Variants in PRR5L observed in about 807,000 individuals in gnomAD.
The protein encoded by PRR5L is proline-rich protein 5-like.
Under a neutral mutation model 36.4 loss-of-function variants are expected in PRR5L, and 21 were observed. The ratio of observed to expected loss-of-function variants is 0.58; its 90% CI spans 0.41 to 0.83. PRR5L has a LOEUF of 0.83. Among genes scored for constraint, PRR5L ranks in the 40% least tolerant of loss-of-function variants. The pLI is 0.00. For synonymous variants in PRR5L, 188 were observed against 197.0 expected (o/e 0.95, Z 0.38); for missense variants, 381 against 473.3 (o/e 0.80, Z 1.81).
chr11:36,432,160 TTTG>T (rs1858511886), intron 5 of PRR5L, among the ~76,000 whole-genome samples: 11 of 27,108 alleles, frequency 4.1e-4, no homozygotes, highest in Admixed American at 8.9e-4. Flanking sequence ...AGGGTTTTTT[TTTG>T]TTTTGTTTTT....
At chr11:36,372,108 C>T (rs564081427) in intron 1 of PRR5L, among the ~76,000 whole-genome samples, 7 of 152,030 alleles carry the variant, frequency 4.6e-5, no homozygotes, top group African/African-American at 7.2e-5. Flanking sequence ...TGCGATAATG[C>T]GTAAATTGAG....
chr11:36,306,925 A>AC (rs1381378186), intron 1 of PRR5L, among the ~76,000 whole-genome samples: 6 of 151,722 alleles, frequency 4.0e-5, no homozygotes, highest in Non-Finnish European at 5.9e-5. Flanking sequence ...AAATAAAAGC[A>AC]CCCCCCACAT....
chr11:36,448,344 G>A (rs764063964), intron 7 of PRR5L, among the ~76,000 whole-genome samples: 1 of 152,066 alleles, frequency 6.6e-6, no homozygotes. Flanking sequence ...TAGAAAAACA[G>A]CCCAAGTCTG....
intron 1 of PRR5L, among the ~76,000 whole-genome samples, chr11:36,301,573 G>A (rs1856377319): frequency 6.6e-6 from 1 of 152,124 alleles, no homozygotes; most frequent in Admixed American, 6.5e-5. Flanking sequence ...GGGGGCCGAG[G>A]ACCCTTCCCA....
At chr11:36,408,864 G>C (rs1232337765) in intron 3 of PRR5L, among the ~76,000 whole-genome samples, 1 of 152,154 alleles carries the variant, frequency 6.6e-6, no homozygotes, top group Non-Finnish European at 1.5e-5. Flanking sequence ...GTTCTTATAA[G>C]TGCTTTCAGT....
intron 1 of PRR5L, among the ~76,000 whole-genome samples, chr11:36,393,073 G>T (rs1040565665): frequency 1.3e-5 from 2 of 152,106 alleles, no homozygotes; most frequent in African/African-American, 4.8e-5. Flanking sequence ...ATATGTTCTG[G>T]TTGTTAATCC....
chr11:36,425,679 C>T (rs1858366535), intron 4 of PRR5L: 1 of 152,226 alleles, frequency 6.6e-6, no homozygotes, highest in South Asian at 2.1e-4. Flanking sequence ...CACACACCAA[C>T]ATTGGCTTAT....
At chr11:36,397,763 T>C (rs955331377) in intron 1 of PRR5L, among the ~76,000 whole-genome samples, 1 of 151,442 alleles carries the variant, frequency 6.6e-6, no homozygotes, top group African/African-American at 2.4e-5. Flanking sequence ...GCCTTCTTAA[T>C]TCTTTTCCTT....
chr11:36,392,551 C>T (rs1362679348), intron 1 of PRR5L, among the ~76,000 whole-genome samples: 1 of 152,164 alleles, frequency 6.6e-6, no homozygotes, highest in Non-Finnish European at 1.5e-5. Context: ...TTTTGATTTG[C>T]ATTTCTCTGA....
intron 1 of PRR5L, among the ~76,000 whole-genome samples, chr11:36,372,130 A>G (rs1857204285): frequency 6.6e-6 from 1 of 152,208 alleles, no homozygotes; most frequent in Non-Finnish European, 1.5e-5. Flanking sequence ...AATTTTCATT[A>G]TTATTCAGAG....
rs116207929 is a variant in PRR5L, at chr11:36,423,036, C to T, written c.294+3733C>T. Among the ~76,000 whole-genome samples the T allele has an allele frequency of 3.6e-3, 548 of 152,210 alleles. 2 individuals carry two copies. The highest frequency in any genetic ancestry group is 0.013 in the African/African-American group (528 of 41,538). On this transcript the variant is annotated intron_variant, in intron 4 of 8. Coordinates refer to ENST00000530639, the MANE Select transcript of PRR5L (RefSeq NM_001160167.2). ...TGCACTTTCTGCTATTCTGTATCTA[C>T]TGGCTTTGTTTTGTGTGTTATAAGC... is the stretch of plus-strand genomic sequence containing the variant.
At chr11:36,451,645 A>C (rs1858947529) in intron 8 of PRR5L, among the ~76,000 whole-genome samples, 1 of 152,190 alleles carries the variant, frequency 6.6e-6, no homozygotes, top group African/African-American at 2.4e-5. Flanking sequence ...CTAGGACATT[A>C]ATCTTTCTGT....
intron 1 of PRR5L, among the ~76,000 whole-genome samples, chr11:36,316,962 T>C (rs979412663): frequency 2.0e-5 from 3 of 152,184 alleles, no homozygotes; most frequent in African/African-American, 7.2e-5. Flanking sequence ...AGGAGCAAGA[T>C]GGAGTCAATT....
intron 1 of PRR5L, among the ~76,000 whole-genome samples, chr11:36,311,813 T>C (rs1438619686): frequency 6.6e-6 from 1 of 152,194 alleles, no homozygotes; most frequent in East Asian, 1.9e-4. Flanking sequence ...TTGAGGTATA[T>C]ATTTAAGGAG....
At chr11:36,311,965 C>G (rs950739135) in intron 1 of PRR5L, among the ~76,000 whole-genome samples, 2 of 152,008 alleles carry the variant, frequency 1.3e-5, no homozygotes, top group African/African-American at 4.8e-5. Context: ...GAAGATGCCC[C>G]CCTGAATATT....
At chr11:36,435,527 G>A (rs985055022) in intron 5 of PRR5L, among the ~76,000 whole-genome samples, 1 of 152,172 alleles carries the variant, frequency 6.6e-6, no homozygotes, top group Non-Finnish European at 1.5e-5. Context: ...GGTAAAGAAG[G>A]GAGAGAAAGA....
chr11:36,353,473 T>C (rs551045504), intron 1 of PRR5L, among the ~76,000 whole-genome samples: 17 of 152,320 alleles, frequency 1.1e-4, no homozygotes, highest in African/African-American at 4.1e-4. Context: ...ATATATTGTG[T>C]ATGTACTATT....
chr11:36,314,923 A>T (rs1168032999), intron 1 of PRR5L, among the ~76,000 whole-genome samples: 1 of 152,212 alleles, frequency 6.6e-6, no homozygotes, highest in Non-Finnish European at 1.5e-5. Context: ...GGAGGTTGCT[A>T]GGAAGAAGTG....
At chr11:36,435,506 G>A (rs377102845) in intron 5 of PRR5L, among the ~76,000 whole-genome samples, 6 of 152,180 alleles carry the variant, frequency 3.9e-5, no homozygotes, top group Non-Finnish European at 2.9e-5. Context: ...AAGATAAACA[G>A]AAGTAGGTTA....
Sources: gnomAD v4.1 joint callset for allele counts (sites outside exome capture counted in the v4.1 genomes callset) on GRCh38, gnomAD v4.1.1 for gene constraint, MANE v1.5 for transcripts, NCBI Gene and HGNC (gene_info 2026-07-23, HGNC 2026-07-21) for gene names.